The following SLC25A20 variants were observed in gnomAD, a reference collection of about 807,000 sequenced individuals.
The protein encoded by SLC25A20 is solute carrier family 25 member 20, also known as mitochondrial carnitine/acylcarnitine carrier protein.
SLC25A20 carries 29 observed loss-of-function variants against 39.7 expected under a neutral mutation model. The observed-to-expected ratio is 0.73, with a 90% CI of 0.54 to 1.00. SLC25A20 has a LOEUF of 1.00. SLC25A20 is among the 50% of genes least tolerant of loss of function. The pLI, the probability that SLC25A20 is intolerant of heterozygous loss-of-function variation, is 0.00. For synonymous variants in SLC25A20, 103 were observed against 142.2 expected (o/e 0.72, Z 1.96); for missense variants, 333 against 379.9 (o/e 0.88, Z 1.03).
At position 48,862,614 on chromosome 3, in the gene SLC25A20, A is replaced by G. The variant is rs769694761; in HGVS notation, c.463T>C (p.Cys155Arg). ...GESKYTGTLDCAKKLYQEFGI... is the reference protein window; with the variant it reads ...GESKYTGTLDRAKKLYQEFGI... Reference sequence around the variant, plus strand: ...AACTCCTGGTACAGCTTCTTTGCACAGTCCAAGGTACCAGTGTACTTGCTT... The same window carrying G: ...AACTCCTGGTACAGCTTCTTTGCACGGTCCAAGGTACCAGTGTACTTGCTT... The change falls in exon 5 of 9, where the codon TGT becomes CGT. Residue 155 changes from cysteine (C) to arginine (R), a missense_variant. Coordinates refer to ENST00000319017, the MANE Select transcript of SLC25A20 (RefSeq NM_000387.6). 2 of 1,614,140 alleles carry G rather than the reference A, an allele frequency of 1.2e-6. No individual in the cohort carries two copies. Among genetic ancestry groups the G allele is most frequent in the East Asian group, 2.2e-5 (1 of 44,882 alleles).
chr3:48,891,116 A>C (rs1479371147), intron 2 of SLC25A20, among the ~76,000 whole-genome samples: 1 of 151,770 alleles, frequency 6.6e-6, no homozygotes, highest in African/African-American at 2.4e-5. Flanking sequence ...CATGGGGAAA[A>C]CATCCGCTAA....
chr3:48,873,810 A>G (rs1575984846), intron 4 of SLC25A20, among the ~76,000 whole-genome samples: 1 of 150,656 alleles, frequency 6.6e-6, no homozygotes, highest in South Asian at 2.1e-4. Flanking sequence ...TACTAAAAAA[A>G]TACAAAAAAT....
intron 4 of SLC25A20, among the ~76,000 whole-genome samples, chr3:48,865,142 T>TC (rs1368798087): frequency 6.6e-6 from 1 of 151,368 alleles, no homozygotes; most frequent in East Asian, 2.0e-4. Flanking sequence ...TAATTTTTTT[T>TC]TTTTGAGACG....
rs761110439 is a variant in SLC25A20, at chr3:48,858,532, A to G, written c.818T>C (p.Met273Thr). ...TSLYKGFNAV[M>T]IRAFPANAAC... ...CGCATTGGCTGGGAAGGCTCGGATC[A>G]TCACTGCATTGAACCCTTTGTACAA... Residue 273 changes from methionine to threonine, a missense_variant, in exon 8 of 9, where the codon ATG becomes ACG. Coordinates refer to ENST00000319017, the MANE Select transcript of SLC25A20 (RefSeq NM_000387.6). 1 of 1,614,206 alleles carries G rather than the reference A, an allele frequency of 6.2e-7. No homozygotes were observed. The highest frequency in any genetic ancestry group is 8.5e-7 in the Non-Finnish European group (1 of 1,180,032).
At chr3:48,891,189 C>T (rs1351564657) in intron 2 of SLC25A20, among the ~76,000 whole-genome samples, 1 of 152,182 alleles carries the variant, frequency 6.6e-6, no homozygotes, top group Non-Finnish European at 1.5e-5. Flanking sequence ...ATTCTCGTGC[C>T]TCAGCCTCCC....
At chr3:48,892,667 CT>C (rs938392795) in intron 1 of SLC25A20, among the ~76,000 whole-genome samples, 2 of 152,164 alleles carry the variant, frequency 1.3e-5, no homozygotes, top group African/African-American at 2.4e-5. Flanking sequence ...GTCAGTCAGC[CT>C]TTTGATCTAT....
intron 2 of SLC25A20, among the ~76,000 whole-genome samples, chr3:48,885,756 T>C (rs1288641844): frequency 6.6e-6 from 1 of 151,990 alleles, no homozygotes; most frequent in Non-Finnish European, 1.5e-5. Flanking sequence ...GAGCCGAGAT[T>C]GTGCCACTGT....
intron 4 of SLC25A20, among the ~76,000 whole-genome samples, chr3:48,874,864 T>C (rs990300363): frequency 6.6e-6 from 1 of 151,146 alleles, no homozygotes; most frequent in Non-Finnish European, 1.5e-5. Context: ...CTGGCCAACA[T>C]GGTGAGACCC....
intron 4 of SLC25A20, among the ~76,000 whole-genome samples, chr3:48,866,440 G>C (rs1005266722): frequency 6.6e-6 from 1 of 151,764 alleles, no homozygotes; most frequent in African/African-American, 2.4e-5. Context: ...TGTATTCCCA[G>C]CTACTCGGGA....
chr3:48,861,988 A>G (rs2106638181), intron 5 of SLC25A20, among the ~76,000 whole-genome samples: 1 of 152,326 alleles, frequency 6.6e-6, no homozygotes, highest in Admixed American at 6.5e-5. Context: ...AGACTGTGCC[A>G]TTGCACTCCA....
rs1469269241 is a variant in SLC25A20, at chr3:48,873,891, C to T, written c.417+5467G>A. ...GGCTGAGGCAGGAGAATGGCGTGAA[C>T]CCGGGAGGCGGAGCTTGCAGCGAGC... is the stretch of plus-strand genomic sequence containing the variant. On this transcript the variant is annotated intron_variant, in intron 4 of 8. Transcript: ENST00000319017. 3.4e-5 allele frequency among the ~76,000 whole-genome samples: 5 copies of T among 146,130 alleles called. No homozygotes were observed. In the East Asian group the frequency reaches 1.0e-3, roughly 30 times the overall value.
At position 48,885,880 on chromosome 3, in the gene SLC25A20, T is replaced by G. The variant is rs185582242; in HGVS notation, c.199-1756A>C. The stretch of plus-strand genomic sequence containing the variant: ...CAACAGAAAATAACTCCTTAGGCAG[T>G]GTGTAGCAAACCAAACAGAAAGGTA... On this transcript the variant is annotated intron_variant, in intron 2 of 8. Transcript: ENST00000319017. Among the ~76,000 whole-genome samples the G allele has an allele frequency of 5.9e-5, 9 of 152,130 alleles. No individual in the cohort carries two copies. In the East Asian group the frequency reaches 1.7e-3, roughly 29 times the overall value.
chr3:48,893,728 C>T (rs1217204189), intron 1 of SLC25A20, among the ~76,000 whole-genome samples: 2 of 151,538 alleles, frequency 1.3e-5, no homozygotes, highest in Admixed American at 1.3e-4. Flanking sequence ...TGGGTTTTCA[C>T]CATGTTGCCC....
intron 2 of SLC25A20, among the ~76,000 whole-genome samples, 154 bp downstream of exon 2, chr3:48,891,826 C>T (rs140630151): frequency 5.5e-4 from 84 of 152,260 alleles, no homozygotes; most frequent in African/African-American, 1.9e-3. Flanking sequence ...AAGCAGATGA[C>T]AACAGGGGGG....
At chr3:48,890,169 C>A (rs2083862684) in intron 2 of SLC25A20, among the ~76,000 whole-genome samples, 1 of 152,162 alleles carries the variant, frequency 6.6e-6, no homozygotes, top group Non-Finnish European at 1.5e-5. Flanking sequence ...GATCACGCTC[C>A]TTGTCCACTT....
At chr3:48,898,147 T>A (rs934830223) in intron 1 of SLC25A20, among the ~76,000 whole-genome samples, 11 of 152,102 alleles carry the variant, frequency 7.2e-5, no homozygotes, top group Non-Finnish European at 1.5e-4. Flanking sequence ...CAGGGATGCC[T>A]CTGCCCAGGA....
Position 48,878,185 on chromosome 3 carries a change from C to T in SLC25A20, c.417+1173G>A, listed in dbSNP as rs1485929111. Among the ~76,000 whole-genome samples the T allele has an allele frequency of 1.0e-4, 15 of 147,964 alleles. 1 individual carries two copies. The highest frequency in any genetic ancestry group is 3.3e-4 in the African/African-American group (13 of 39,992). ...CTGAGGCAGGAGAATCGCTTGAACC[C>T]GGGAGGCAGAGGTTGCAGTGAGCCA... On this transcript the variant is annotated intron_variant, in intron 4 of 8. Transcript: ENST00000319017.
chr3:48,859,080 C>G lies in SLC25A20; in HGVS notation c.718+12G>C, dbSNP rs1265580492. The G allele has an allele frequency of 2.5e-6, 4 of 1,608,446 alleles. No individual in the cohort carries two copies. Among genetic ancestry groups the G allele is most frequent in the Non-Finnish European group, 3.4e-6 (4 of 1,175,232 alleles). ...CACTCTCCCCCTGTCCACCCCACTA[C>G]CTTCCACTCACCAGTCTGGAATCGA... On this transcript the variant is annotated intron_variant, in intron 7 of 8. Coordinates refer to ENST00000319017, the MANE Select transcript of SLC25A20 (RefSeq NM_000387.6).
intron 2 of SLC25A20, among the ~76,000 whole-genome samples, chr3:48,886,307 C>A (rs2083828408): frequency 6.6e-6 from 1 of 151,998 alleles, no homozygotes; most frequent in Non-Finnish European, 1.5e-5. Context: ...GGCGGATCAC[C>A]TGAGGTCGGG....
Sources: allele counts gnomAD v4.1 joint callset (sites outside exome capture counted in the v4.1 genomes callset), GRCh38; gene constraint gnomAD v4.1.1; transcripts MANE v1.5; gene names NCBI Gene and HGNC (gene_info 2026-07-23, HGNC 2026-07-21).